GPAM: variants seen among roughly 807,000 people sequenced by gnomAD.
GPAM encodes glycerol-3-phosphate acyltransferase, mitochondrial.
A neutral mutation model predicts 105.0 loss-of-function variants in GPAM; 56 were observed. The ratio of observed to expected loss-of-function variants is 0.53; its 90% CI spans 0.43 to 0.67. The LOEUF (loss-of-function observed/expected upper bound fraction) is 0.67, where lower values mean the gene tolerates loss of function less well. Among genes scored for constraint, GPAM ranks in the 30% least tolerant of loss-of-function variants. The pLI is 0.00. For missense variants in GPAM, 855 were observed against 989.8 expected, an observed-to-expected ratio of 0.86 and a Z score of 1.83; for synonymous variants, 368 against 354.4, an observed-to-expected ratio of 1.04 and a Z score of -0.43.
At chr10:112,154,318 C>T (rs755807926) in intron 21 of GPAM, 17 of 386,594 alleles carry the variant, frequency 4.4e-5, no homozygotes, top group Middle Eastern at 7.2e-4. Flanking sequence ...CTGGTCCCAA[C>T]ATTTTGGATA....
upstream of GPAM, among the ~76,000 whole-genome samples, chr10:112,186,384 A>T (rs1390950491): frequency 6.6e-6 from 1 of 151,964 alleles, no homozygotes; most frequent in East Asian, 1.9e-4. Flanking sequence ...CACCAGCAGG[A>T]CCGTTCTATA....
At chr10:112,188,245 G>A (rs1291299053), upstream of GPAM, among the ~76,000 whole-genome samples, 3 of 151,918 alleles carry the variant, frequency 2.0e-5, no homozygotes, top group Non-Finnish European at 4.4e-5. Context: ...GAAACTGAAA[G>A]TTAATTTTTT....
chr10:112,164,909 A>G (rs924106075), intron 12 of GPAM, among the ~76,000 whole-genome samples: 2 of 152,202 alleles, frequency 1.3e-5, no homozygotes, highest in East Asian at 1.9e-4. Context: ...TAAAACTGAC[A>G]TTCTTAATAT....
the GPAM span, among the ~76,000 whole-genome samples, chr10:112,221,330 G>T: frequency 3.3e-5 from 5 of 152,160 alleles, no homozygotes. Flanking sequence ...GACTGTGAGA[G>T]CCAATCCTCC....
chr10:112,181,892 T>C, intron 2 of GPAM, 79 bp from the exon 3 acceptor site: 1 of 714,708 alleles, frequency 1.4e-6, no homozygotes, highest in Non-Finnish European at 2.5e-6. Flanking sequence ...GATTTCTACA[T>C]TACTTTGCTC....
intron 1 of GPAM, among the ~76,000 whole-genome samples, chr10:112,213,274 GCCATT>G (rs1408046526): frequency 6.6e-6 from 1 of 152,182 alleles, no homozygotes; most frequent in Non-Finnish European, 1.5e-5. Flanking sequence ...TCTGAAGTCT[GCCATT>G]TACTGTGTTA....
At chr10:112,190,499 TA>T (rs11446981) in intron 1 of GPAM, among the ~76,000 whole-genome samples, 242 of 135,882 alleles carry the variant, frequency 1.8e-3, no homozygotes, top group African/African-American at 4.5e-3. Flanking sequence ...GACTCCATCT[TA>T]AAAAAAAAAA....
intron 1 of GPAM, among the ~76,000 whole-genome samples, chr10:112,190,368 G>T (rs1270920191): frequency 6.6e-6 from 1 of 152,014 alleles, no homozygotes; most frequent in Non-Finnish European, 1.5e-5. Context: ...AGCTGGGCTT[G>T]GTGGCGTGTG....
chr10:112,172,140 A>C (rs118018167), intron 9 of GPAM, 42 bp downstream of exon 9: 20,872 of 1,437,524 alleles, frequency 0.015, 223 homozygotes, highest in Non-Finnish European at 0.018. Flanking sequence ...TTCAAAACAT[A>C]ATCTTTTTAA....
rs1846904199 is a variant in GPAM at position 112,150,899 on chromosome 10, T to C, written c.*2651A>G. 1.0e-6 allele frequency: 1 copy of C among 985,356 alleles called. No homozygotes were observed. The highest frequency in any genetic ancestry group is 1.2e-6 in the Non-Finnish European group (1 of 829,836). The allele number at this position is 985,356 out of a possible 1,614,324, so 61.0% of individuals were successfully genotyped here. ...TACATTCATTGTAATCCCAGAAATA[T>C]TTTCTCCATTTACCCTCATGACTTT... On this transcript the variant is annotated 3_prime_UTR_variant, in exon 22 of 22. Transcript: ENST00000348367.
At chr10:112,222,355 G>A in the GPAM span, among the ~76,000 whole-genome samples, 4 of 152,054 alleles carry the variant, frequency 2.6e-5, no homozygotes, top group Admixed American at 6.5e-5. Context: ...AGAGTCCCAC[G>A]CAAACCCAGA....
At chr10:112,178,833 T>C (rs180904433) in intron 4 of GPAM, among the ~76,000 whole-genome samples, 3 of 152,340 alleles carry the variant, frequency 2.0e-5, no homozygotes, top group Admixed American at 1.3e-4. Flanking sequence ...ATCTTATGTC[T>C]TGATCTAAAG....
chr10:112,211,006 T>C (rs528759921), intron 1 of GPAM, among the ~76,000 whole-genome samples: 77 of 152,338 alleles, frequency 5.1e-4, no homozygotes, highest in Non-Finnish European at 7.5e-4. Flanking sequence ...GTGGGTTAAC[T>C]GCCCAGGCAG....
the GPAM span, among the ~76,000 whole-genome samples, chr10:112,221,644 A>C: frequency 6.6e-6 from 1 of 152,154 alleles, no homozygotes; most frequent in African/African-American, 2.4e-5. Context: ...ACTTCAACTT[A>C]GGTTTTAAAA....
rs540579823 is a variant in GPAM at position 112,213,753 on chromosome 10, G to T, written n.210+1415C>A. ...AGCAGACAAGATAACATGTGATAAG[G>T]TTCGACCATGGTGGGTCCAGAAAAC... On this transcript the variant is annotated intron_variant and non_coding_transcript_variant, in intron 1 of 3. Coordinates refer to the GPAM transcript ENST00000480130. Among the ~76,000 whole-genome samples the T allele has an allele frequency of 2.7e-3, 410 of 152,306 alleles. 5 individuals are homozygous for T. The highest frequency in any genetic ancestry group is 4.5e-3 in the Non-Finnish European group (309 of 68,028).
chr10:112,217,327 T>A (rs1257990144), upstream of GPAM, among the ~76,000 whole-genome samples: 1 of 152,252 alleles, frequency 6.6e-6, no homozygotes, highest in Non-Finnish European at 1.5e-5. Context: ...TTACTTCATT[T>A]CTTTTTATTG....
chr10:112,226,381 C>T, the GPAM span, among the ~76,000 whole-genome samples: 1 of 152,050 alleles, frequency 6.6e-6, no homozygotes, highest in Admixed American at 6.6e-5. Context: ...AACACAGAGG[C>T]TGCAGGGAAG....
intron 1 of GPAM, among the ~76,000 whole-genome samples, chr10:112,208,626 G>A (rs1458710756): frequency 1.3e-5 from 2 of 152,150 alleles, no homozygotes; most frequent in African/African-American, 4.8e-5. Flanking sequence ...CATGGGTTTA[G>A]GCATGAATGT....
chr10:112,204,877 G>T (rs1847841893), intron 1 of GPAM, among the ~76,000 whole-genome samples: 1 of 118,110 alleles, frequency 8.5e-6, no homozygotes, highest in Non-Finnish European at 1.7e-5. Context: ...AAGTCAAATT[G>T]TCCCTGTTTG....
Sources: gnomAD v4.1 joint callset for allele counts (sites outside exome capture counted in the v4.1 genomes callset) on GRCh38, gnomAD v4.1.1 for gene constraint, MANE v1.5 for transcripts, NCBI Gene and HGNC (gene_info 2026-07-23, HGNC 2026-07-21) for gene names.